MBOAT1: variants seen among roughly 807,000 people sequenced by gnomAD.
MBOAT1 encodes the protein membrane bound glycerophospholipid O-acyltransferase 1.
Under a neutral mutation model 64.4 loss-of-function variants are expected in MBOAT1, and 67 were observed. That is an observed-to-expected ratio of 1.04 (90% CI 0.85 to 1.27). MBOAT1 has a LOEUF of 1.27. Among genes scored for constraint, MBOAT1 ranks in the 50% most tolerant of loss-of-function variants. The pLI, the probability that MBOAT1 is intolerant of heterozygous loss-of-function variation, is 0.00. For missense variants in MBOAT1, 563 were observed against 604.6 expected, an observed-to-expected ratio of 0.93 and a Z score of 0.72; for synonymous variants, 229 against 218.9, an observed-to-expected ratio of 1.05 and a Z score of -0.41.
chr6:20,202,183 A>G (rs150100843), intron 1 of MBOAT1, among the ~76,000 whole-genome samples: 1 of 152,334 alleles, frequency 6.6e-6, no homozygotes, highest in African/African-American at 2.4e-5. Context: ...CAGCCACAGA[A>G]TGATGAATGA....
chr6:20,109,927 T>TTTTTTA (rs1453997173), intron 11 of MBOAT1, among the ~76,000 whole-genome samples, 178 bp from the exon 12 acceptor site: 2 of 140,168 alleles, frequency 1.4e-5, no homozygotes, highest in African/African-American at 2.7e-5. Flanking sequence ...TTTTTTTTTT[T>TTTTTTA]GAGATGGAGT....
chr6:20,129,663 C>T lies in MBOAT1; in HGVS notation c.476-910G>A, dbSNP rs559297062. ...TAAAAAGTAAATTTAGGCAACGAAG[C>T]TGCTTAAAAAGAAAAAAGAAGCAGT... On this transcript the variant is annotated intron_variant, in intron 5 of 12. Coordinates refer to ENST00000324607, the MANE Select transcript of MBOAT1 (RefSeq NM_001080480.3). 1.8e-4 allele frequency among the ~76,000 whole-genome samples: 28 copies of T among 152,132 alleles called. No individual in the cohort carries two copies. In the East Asian group the frequency reaches 4.0e-3, roughly 22 times the overall value.
chr6:20,161,023 T>C (rs1761839652), intron 1 of MBOAT1, among the ~76,000 whole-genome samples: 1 of 152,182 alleles, frequency 6.6e-6, no homozygotes, highest in South Asian at 2.1e-4. Context: ...GTCCATGGCC[T>C]GTTAGGAACC....
chr6:20,175,933 A>G (rs1183880365), intron 1 of MBOAT1, among the ~76,000 whole-genome samples: 1 of 152,132 alleles, frequency 6.6e-6, no homozygotes, highest in African/African-American at 2.4e-5. Flanking sequence ...AAATATATAT[A>G]CTTTTCTCTT....
intron 8 of MBOAT1, among the ~76,000 whole-genome samples, chr6:20,123,614 A>C (rs986516458): frequency 6.6e-5 from 10 of 152,216 alleles, no homozygotes; most frequent in Non-Finnish European, 1.5e-4. Context: ...CCTAAAAAAA[A>C]AAAAAAATCA....
At position 20,100,145 on chromosome 6, in the gene MBOAT1, A is replaced by G. The variant is rs920396674; in HGVS notation, c.*2141T>C. Among the ~76,000 whole-genome samples the G allele has an allele frequency of 6.6e-6, 1 of 152,212 alleles. No homozygotes were observed. The highest frequency in any genetic ancestry group is 6.5e-5 in the Admixed American group (1 of 15,286). ...AGGGCAGCTGGTCACCAAAGCAGAC[A>G]CCTCTGCTCTCATTACCAAGTTCTT... On this transcript the variant is annotated 3_prime_UTR_variant, in exon 13 of 13. Coordinates refer to ENST00000324607, the MANE Select transcript of MBOAT1 (RefSeq NM_001080480.3).
intron 1 of MBOAT1, among the ~76,000 whole-genome samples, chr6:20,186,404 A>T (rs1467879709): frequency 6.6e-6 from 1 of 152,156 alleles, no homozygotes; most frequent in Non-Finnish European, 1.5e-5. Flanking sequence ...AGCACTTAAA[A>T]ACCCATGTGC....
intron 1 of MBOAT1, among the ~76,000 whole-genome samples, chr6:20,170,554 T>C (rs934773045): frequency 3.3e-5 from 5 of 152,096 alleles, no homozygotes; most frequent in Non-Finnish European, 1.5e-5. Flanking sequence ...AATCTATCCA[T>C]TTCCCTCCAT....
At chr6:20,146,994 G>A (rs1421718946) in intron 3 of MBOAT1, among the ~76,000 whole-genome samples, 1 of 152,132 alleles carries the variant, frequency 6.6e-6, no homozygotes, top group Non-Finnish European at 1.5e-5. Flanking sequence ...ATTGAATCAT[G>A]GGGGCGAGTC....
intron 11 of MBOAT1, among the ~76,000 whole-genome samples, chr6:20,111,835 C>CACATATATATACATATATATAT (rs1190757307): frequency 4.6e-5 from 4 of 86,792 alleles, no homozygotes; most frequent in South Asian, 4.2e-4. Flanking sequence ...CATATATATA[C>CACATATATATACATATATATAT]ACATATATAT....
intron 1 of MBOAT1, among the ~76,000 whole-genome samples, chr6:20,169,236 C>T (rs977720653): frequency 6.6e-6 from 1 of 152,168 alleles, no homozygotes; most frequent in Non-Finnish European, 1.5e-5. Context: ...TTATGCAACA[C>T]CCCAGGGTGT....
intron 1 of MBOAT1, among the ~76,000 whole-genome samples, chr6:20,184,897 GT>G (rs1357313366): frequency 6.7e-4 from 102 of 151,910 alleles, no homozygotes; most frequent in Middle Eastern, 6.8e-3. Flanking sequence ...GTGTGTGTGT[GT>G]GTGTGTGTGT....
intron 11 of MBOAT1, among the ~76,000 whole-genome samples, chr6:20,110,819 G>A (rs1760116227): frequency 6.6e-6 from 1 of 152,112 alleles, no homozygotes; most frequent in Non-Finnish European, 1.5e-5. Flanking sequence ...TTTTGGAAAA[G>A]TTAGCTTGTC....
At chr6:20,129,160 G>A (rs1760744423) in intron 5 of MBOAT1, among the ~76,000 whole-genome samples, 1 of 152,146 alleles carries the variant, frequency 6.6e-6, no homozygotes, top group Non-Finnish European at 1.5e-5. Flanking sequence ...TGCACTAGGT[G>A]CAGACACTTA....
intron 1 of MBOAT1, among the ~76,000 whole-genome samples, chr6:20,165,916 T>C (rs912140968): frequency 1.3e-5 from 2 of 152,126 alleles, no homozygotes; most frequent in African/African-American, 4.8e-5. Flanking sequence ...AAAGAAGCCA[T>C]AGAGTTCATT....
chr6:20,179,781 T>C (rs1762459364), intron 1 of MBOAT1, among the ~76,000 whole-genome samples: 1 of 152,214 alleles, frequency 6.6e-6, no homozygotes, highest in African/African-American at 2.4e-5. Context: ...CTACCAACAG[T>C]GTAAAAGTGC....
intron 1 of MBOAT1, among the ~76,000 whole-genome samples, chr6:20,182,084 G>C (rs147200401): frequency 6.6e-5 from 10 of 152,298 alleles, no homozygotes; most frequent in African/African-American, 2.2e-4. Context: ...CCTATTTCCA[G>C]AGTTGTTAGG....
intron 1 of MBOAT1, among the ~76,000 whole-genome samples, chr6:20,206,914 C>T (rs1460019151): frequency 2.0e-5 from 3 of 152,112 alleles, no homozygotes; most frequent in Non-Finnish European, 4.4e-5. Flanking sequence ...CTCACTTCCT[C>T]TGCACCTGCC....
rs1226993180 is a variant in MBOAT1, at chr6:20,168,502, A to AGAGAG, written c.100-15738_100-15734dup. 2.5e-3 allele frequency among the ~76,000 whole-genome samples: 233 copies of AGAGAG among 92,890 alleles called. 3 individuals carry two copies. The highest frequency in any genetic ancestry group is 0.017 in the Middle Eastern group (3 of 178). The allele number at this position is 92,890 out of a possible 152,430, so 60.9% of individuals were successfully genotyped here. A position where few individuals can be genotyped will look rare whatever the true frequency, so the allele number is the denominator to read the frequency against. On this transcript the variant is annotated intron_variant, in intron 1 of 12. Transcript: ENST00000324607. ...GACAGAGACAGAGACAGAGAGAGAG[A>AGAGAG]GAGAGGAGAGGAGAGGAGAGGAGAG...
Sources: gnomAD v4.1 joint callset for allele counts (sites outside exome capture counted in the v4.1 genomes callset) on GRCh38, gnomAD v4.1.1 for gene constraint, MANE v1.5 for transcripts, NCBI Gene and HGNC (gene_info 2026-07-23, HGNC 2026-07-21) for gene names.